Variants in WWOX observed in about 807,000 individuals in gnomAD.
WWOX encodes the protein WW domain containing oxidoreductase.
WWOX carries 69 observed loss-of-function variants against 46.2 expected under a neutral mutation model. The ratio of observed to expected loss-of-function variants is 1.49; its 90% CI spans 1.23 to 1.82. WWOX has a LOEUF of 1.82. Ranked by LOEUF, WWOX falls within the 40% of genes most tolerant of loss-of-function variation. The pLI is 0.00. For synonymous variants in WWOX, 359 were observed against 202.6 expected (o/e 1.77, Z -6.56); for missense variants, 919 against 542.6 (o/e 1.69, Z -6.89).
intron 8 of WWOX, among the ~76,000 whole-genome samples, chr16:78,508,903 C>A (rs1053451336): frequency 2.0e-5 from 3 of 152,228 alleles, no homozygotes; most frequent in Non-Finnish European, 2.9e-5. Context: ...ATTTAATTAT[C>A]TTCTGCTGTT....
chr16:78,762,989 G>A (rs1261193789), intron 8 of WWOX, among the ~76,000 whole-genome samples: 1 of 152,162 alleles, frequency 6.6e-6, no homozygotes, highest in Non-Finnish European at 1.5e-5. Flanking sequence ...GGGGGGACCA[G>A]ATGAGCAATA....
At chr16:78,963,547 G>C (rs184953600) in intron 8 of WWOX, among the ~76,000 whole-genome samples, 4 of 152,262 alleles carry the variant, frequency 2.6e-5, no homozygotes, top group African/African-American at 7.2e-5. Context: ...ACTTAAGCAG[G>C]TGTGTCATCC....
chr16:78,790,159 C>A (rs761580367), intron 8 of WWOX, among the ~76,000 whole-genome samples: 1 of 151,888 alleles, frequency 6.6e-6, no homozygotes, highest in African/African-American at 2.4e-5. Context: ...TTTTTTGGGA[C>A]AGGGTCTTGC....
At chr16:78,776,240 A>T (rs578156166) in intron 8 of WWOX, among the ~76,000 whole-genome samples, 1 of 152,010 alleles carries the variant, frequency 6.6e-6, no homozygotes, top group Non-Finnish European at 1.5e-5. Context: ...TGGGTGAACA[A>T]CAGCAGCACA....
At chr16:78,810,526 A>G (rs996978051) in intron 8 of WWOX, among the ~76,000 whole-genome samples, 1 of 152,232 alleles carries the variant, frequency 6.6e-6, no homozygotes, top group Non-Finnish European at 1.5e-5. Context: ...ATTTGCTGTT[A>G]ACAAAATAAA....
At chr16:78,501,736 CA>C (rs2085074829) in intron 8 of WWOX, among the ~76,000 whole-genome samples, 1 of 152,070 alleles carries the variant, frequency 6.6e-6, no homozygotes, top group Admixed American at 6.5e-5. Context: ...AGAGTTTCAC[CA>C]TGTTGGCCAG....
intron 8 of WWOX, among the ~76,000 whole-genome samples, chr16:79,061,794 C>G (rs2048361976): frequency 1.3e-5 from 2 of 152,160 alleles, no homozygotes; most frequent in Non-Finnish European, 2.9e-5. Context: ...GCTAATATGC[C>G]TCTATGTCAG....
intron 8 of WWOX, among the ~76,000 whole-genome samples, chr16:78,719,396 C>T (rs1372659817): frequency 6.6e-6 from 1 of 152,210 alleles, no homozygotes; most frequent in Non-Finnish European, 1.5e-5. Flanking sequence ...CAAGAAGAAA[C>T]AATAATCAGA....
intron 8 of WWOX, among the ~76,000 whole-genome samples, chr16:79,114,673 C>T (rs2049478954): frequency 6.6e-6 from 1 of 152,078 alleles, no homozygotes; most frequent in Non-Finnish European, 1.5e-5. Flanking sequence ...TGTTTCAAGC[C>T]ACCTAGTTTG....
chr16:79,190,624 A>T (rs928326385), intron 8 of WWOX, among the ~76,000 whole-genome samples: 1 of 152,200 alleles, frequency 6.6e-6, no homozygotes, highest in Non-Finnish European at 1.5e-5. Flanking sequence ...CATTCAGAAG[A>T]TGAACTAGTT....
chr16:78,177,879 G>T (rs921015212), intron 5 of WWOX, among the ~76,000 whole-genome samples: 2 of 152,232 alleles, frequency 1.3e-5, no homozygotes, highest in African/African-American at 4.8e-5. Flanking sequence ...GAACAGACTT[G>T]CTTAGTTCCT....
chr16:78,313,232 A>T (rs148635582), intron 5 of WWOX, among the ~76,000 whole-genome samples: 125 of 152,312 alleles, frequency 8.2e-4, no homozygotes, highest in African/African-American at 2.9e-3. Flanking sequence ...GGAACCTCAG[A>T]CTGGGATCCT....
intron 8 of WWOX, among the ~76,000 whole-genome samples, chr16:78,733,799 G>A (rs9921984): frequency 0.24 from 36,651 of 151,526 alleles, 5,885 homozygotes; most frequent in African/African-American, 0.46. Context: ...GGCACAGTGG[G>A]TCATGCCTGC....
intron 8 of WWOX, among the ~76,000 whole-genome samples, chr16:79,144,338 C>T (rs2050146074): frequency 6.6e-6 from 1 of 152,236 alleles, no homozygotes; most frequent in African/African-American, 2.4e-5. Flanking sequence ...ATTAATAGCA[C>T]CTGCCTGAGA....
chr16:78,371,782 GT>G (rs2081696011), intron 5 of WWOX, among the ~76,000 whole-genome samples: 1 of 151,004 alleles, frequency 6.6e-6, no homozygotes. Context: ...TGTTCCTGAT[GT>G]TTTTCTTTAT....
intron 5 of WWOX, among the ~76,000 whole-genome samples, chr16:78,295,990 T>C (rs1485082168): frequency 4.6e-5 from 7 of 152,254 alleles, no homozygotes; most frequent in Non-Finnish European, 8.8e-5. Flanking sequence ...TCCTGCCATC[T>C]GCAGCTTCTT....
intron 8 of WWOX, among the ~76,000 whole-genome samples, chr16:78,507,131 C>A (rs753008608): frequency 5.9e-5 from 9 of 152,158 alleles, no homozygotes; most frequent in Non-Finnish European, 8.8e-5. Context: ...TTCTTCTATT[C>A]ATTCAACCAA....
At chr16:78,361,200 C>T (rs1223619062) in intron 5 of WWOX, among the ~76,000 whole-genome samples, 1 of 152,070 alleles carries the variant, frequency 6.6e-6, no homozygotes, top group African/African-American at 2.4e-5. Context: ...CCAGTATTTT[C>T]TCATCATTAG....
At chr16:78,824,534 C>G (rs371274319) in intron 8 of WWOX, among the ~76,000 whole-genome samples, 19 of 152,190 alleles carry the variant, frequency 1.2e-4, no homozygotes, top group Admixed American at 7.2e-4. Flanking sequence ...AAGACACACC[C>G]GAGACTGGGA....
Sources: allele counts gnomAD v4.1 joint callset (sites outside exome capture counted in the v4.1 genomes callset), GRCh38; gene constraint gnomAD v4.1.1; transcripts MANE v1.5; gene names NCBI Gene and HGNC (gene_info 2026-07-23, HGNC 2026-07-21).